CREB5: variants seen among roughly 807,000 people sequenced by gnomAD.
CREB5 encodes cAMP responsive element binding protein 5, also known as cyclic AMP-responsive element-binding protein 5.
A neutral mutation model predicts 57.1 loss-of-function variants in CREB5; 19 were observed. The observed-to-expected ratio is 0.33, with a 90% CI of 0.23 to 0.49. CREB5 has a LOEUF of 0.49. Ranked by LOEUF, CREB5 falls within the 20% of genes least tolerant of loss-of-function variation. CREB5 has a pLI of 0.99. For missense variants in CREB5, 579 were observed against 671.6 expected (o/e 0.86, Z 1.52); for synonymous variants, 238 against 238.3 (o/e 1.00, Z 0.01).
intron 4 of CREB5, among the ~76,000 whole-genome samples, chr7:28,541,661 A>G (rs1215670201): frequency 6.6e-6 from 1 of 152,082 alleles, no homozygotes; most frequent in Non-Finnish European, 1.5e-5. Flanking sequence ...CCCCATCACA[A>G]AAAACAAACA....
At chr7:28,431,706 A>G (rs1246292457) in intron 1 of CREB5, among the ~76,000 whole-genome samples, 1 of 152,208 alleles carries the variant, frequency 6.6e-6, no homozygotes, top group African/African-American at 2.4e-5. Context: ...CCACACCTGA[A>G]AACAAAGCTC....
At chr7:28,754,078 T>C (rs2128765358) in intron 7 of CREB5, among the ~76,000 whole-genome samples, 1 of 152,244 alleles carries the variant, frequency 6.6e-6, no homozygotes, top group Admixed American at 6.5e-5. Flanking sequence ...ATATTCATGT[T>C]TATGTGCCTA....
At chr7:28,371,826 C>T (rs1003643096) in intron 1 of CREB5, among the ~76,000 whole-genome samples, 2 of 51,428 alleles carry the variant, frequency 3.9e-5, no homozygotes, top group African/African-American at 1.9e-4. Flanking sequence ...GGCAGGCTGT[C>T]TTTGCCACCT....
At chr7:28,698,774 T>C (rs1382385555) in intron 5 of CREB5, among the ~76,000 whole-genome samples, 1 of 152,228 alleles carries the variant, frequency 6.6e-6, no homozygotes, top group Non-Finnish European at 1.5e-5. Flanking sequence ...CATTCTGTTA[T>C]AGCTTCTCTG....
chr7:28,375,743 A>G (rs1786810282), intron 1 of CREB5, among the ~76,000 whole-genome samples: 1 of 136,390 alleles, frequency 7.3e-6, no homozygotes, highest in African/African-American at 3.4e-5. Context: ...CTGTTATTGA[A>G]AAAAAAAAAA....
chr7:28,596,149 TTGGGATGTGAAGCAGCTC>T (rs1380466120), intron 5 of CREB5, among the ~76,000 whole-genome samples: 1 of 152,192 alleles, frequency 6.6e-6, no homozygotes, highest in Non-Finnish European at 1.5e-5. Flanking sequence ...TTATGAGATT[TTGGGATGTGAAGCAGCTC>T]TGTAGAATGA....
chr7:28,365,003 C>G (rs1786558478), intron 1 of CREB5, among the ~76,000 whole-genome samples: 1 of 152,078 alleles, frequency 6.6e-6, no homozygotes, highest in Non-Finnish European at 1.5e-5. Flanking sequence ...TTGGTGACAC[C>G]AACTTGGTGA....
intron 7 of CREB5, among the ~76,000 whole-genome samples, chr7:28,794,254 T>A (rs1807897121): frequency 6.6e-6 from 1 of 152,212 alleles, no homozygotes; most frequent in African/African-American, 2.4e-5. Flanking sequence ...TTACCCAGGT[T>A]TGCAGGTGCT....
At chr7:28,466,210 T>TAAAAAAAAAAAAAAAAAAAAAAA (rs5883134) in intron 1 of CREB5, among the ~76,000 whole-genome samples, 2 of 94,746 alleles carry the variant, frequency 2.1e-5, no homozygotes, top group Non-Finnish European at 2.1e-5. Context: ...TGACTGGAGT[T>TAAAAAAAAAAAAAAAAAAAAAAA]AAAAAAAAAA....
intron 5 of CREB5, among the ~76,000 whole-genome samples, chr7:28,638,428 C>T (rs1404543649): frequency 2.0e-5 from 3 of 151,760 alleles, no homozygotes; most frequent in African/African-American, 4.8e-5. Context: ...TCACTCCAAC[C>T]TCAACCTCTC....
chr7:28,641,975 T>C (rs1179550683), intron 5 of CREB5, among the ~76,000 whole-genome samples: 1 of 152,212 alleles, frequency 6.6e-6, no homozygotes, highest in Non-Finnish European at 1.5e-5. Flanking sequence ...TGTTCCTGGG[T>C]GTGCATGTCA....
chr7:28,549,562 A>G (rs773559839), intron 4 of CREB5, among the ~76,000 whole-genome samples: 37 of 152,192 alleles, frequency 2.4e-4, no homozygotes, highest in Non-Finnish European at 4.9e-4. Flanking sequence ...TATGTTCAGG[A>G]TAGCATTTTT....
chr7:28,708,355 T>A (rs932679284), intron 5 of CREB5, among the ~76,000 whole-genome samples: 1 of 151,956 alleles, frequency 6.6e-6, no homozygotes, highest in Non-Finnish European at 1.5e-5. Flanking sequence ...CCCCTGCCAA[T>A]GTATCGTGGA....
chr7:28,420,613 C>T (rs1788205875), intron 1 of CREB5, among the ~76,000 whole-genome samples: 4 of 151,576 alleles, frequency 2.6e-5, no homozygotes, highest in Admixed American at 2.6e-4. Flanking sequence ...TCAAGACCAG[C>T]CTGGCCAATA....
intron 1 of CREB5, among the ~76,000 whole-genome samples, chr7:28,466,779 A>G (rs928957576): frequency 6.6e-6 from 1 of 152,162 alleles, no homozygotes; most frequent in Non-Finnish European, 1.5e-5. Context: ...CTGAGCCCCA[A>G]GGTCAAGGCT....
chr7:28,705,364 C>CAAAAA (rs10686098), intron 5 of CREB5, among the ~76,000 whole-genome samples: 5 of 92,932 alleles, frequency 5.4e-5, no homozygotes, highest in African/African-American at 1.2e-4. Flanking sequence ...GACTCTGACT[C>CAAAAA]AAAAAAAAAA....
intron 7 of CREB5, among the ~76,000 whole-genome samples, chr7:28,751,504 T>A (rs1804972126): frequency 6.6e-6 from 1 of 152,256 alleles, no homozygotes. Flanking sequence ...TGCAAATATC[T>A]ACGAGGATCC....
intron 4 of CREB5, among the ~76,000 whole-genome samples, chr7:28,522,333 T>A (rs969111484): frequency 6.6e-6 from 1 of 152,094 alleles, no homozygotes; most frequent in Non-Finnish European, 1.5e-5. Flanking sequence ...CAAGCCATGC[T>A]TGACCTTGAC....
At chr7:28,639,415 C>G (rs1798560241) in intron 5 of CREB5, among the ~76,000 whole-genome samples, 1 of 152,124 alleles carries the variant, frequency 6.6e-6, no homozygotes. Flanking sequence ...GAAATAGAAA[C>G]AGGAATATGG....
Sources: allele counts gnomAD v4.1 joint callset (sites outside exome capture counted in the v4.1 genomes callset), GRCh38; gene constraint gnomAD v4.1.1; transcripts MANE v1.5; gene names NCBI Gene and HGNC (gene_info 2026-07-23, HGNC 2026-07-21).